MAP4: variants seen among roughly 807,000 people sequenced by gnomAD.
MAP4 encodes the protein microtubule-associated protein 4.
MAP4 carries 76 observed loss-of-function variants against 170.2 expected under a neutral mutation model. That is an observed-to-expected ratio of 0.45 (90% CI 0.37 to 0.54). The LOEUF is 0.54. Among genes scored for constraint, MAP4 ranks in the 20% least tolerant of loss-of-function variants. The pLI is 0.00. For synonymous variants in MAP4, 909 were observed against 994.5 expected (o/e 0.91, Z 1.62); for missense variants, 2,506 against 2,748.0 (o/e 0.91, Z 1.97).
chr3:48,072,134 A>T (rs11924107), intron 1 of MAP4, among the ~76,000 whole-genome samples: 1 of 151,584 alleles, frequency 6.6e-6, no homozygotes, highest in Non-Finnish European at 1.5e-5. Flanking sequence ...AGGAGGCGGA[A>T]GTTGCAGTGA....
intron 1 of MAP4, among the ~76,000 whole-genome samples, chr3:48,063,841 G>C (rs1191922465): frequency 1.3e-5 from 2 of 152,194 alleles, no homozygotes; most frequent in African/African-American, 4.8e-5. Flanking sequence ...AGTAGTTAAG[G>C]GGAAGAAGTA....
Position 47,871,029 on chromosome 3 carries a change from A to C in MAP4, c.6078T>G (p.Ala2026=). The C allele has an allele frequency of 3.1e-6, 5 of 1,614,116 alleles. No individual in the cohort carries two copies. Among genetic ancestry groups the C allele is most frequent in the Non-Finnish European group, 4.2e-6 (5 of 1,179,960 alleles). ...TGACTCGGCTGGGAACCACCCCTGC[A>C]GCGGGGGCTGTCCCACTGAGAGTGG... ...KTTTLSGTAP[A]AGVVPSRVKA... Residue 2026 remains alanine, a synonymous_variant, in exon 15 of 21, where the codon GCT becomes GCG. Transcript: ENST00000683076.
At chr3:47,902,617 T>C (rs538239248) in intron 10 of MAP4, among the ~76,000 whole-genome samples, 2 of 132,750 alleles carry the variant, frequency 1.5e-5, no homozygotes, top group African/African-American at 2.9e-5. Context: ...GAGGTTGCAG[T>C]GAGCCGAGAT....
At chr3:47,931,798 T>A in intron 3 of MAP4, 1 of 151,990 alleles carries the variant, frequency 6.6e-6, no homozygotes, top group East Asian at 1.9e-4. Flanking sequence ...CCTGGCTCCA[T>A]CTGTATTTTT....
intron 3 of MAP4, among the ~76,000 whole-genome samples, chr3:47,934,246 C>T (rs543344574): frequency 3.1e-4 from 47 of 152,200 alleles, no homozygotes; most frequent in African/African-American, 1.1e-3. Context: ...GGGTTTTGAA[C>T]CCTACTTTTC....
chr3:48,062,867 G>C (rs1315884712), intron 1 of MAP4, among the ~76,000 whole-genome samples: 1 of 151,158 alleles, frequency 6.6e-6, no homozygotes, highest in Non-Finnish European at 1.5e-5. Context: ...GGAGGTTGTT[G>C]TGAGCCAAGA....
rs970352201 is a variant in MAP4 at position 47,910,829 on chromosome 3, C to G, written c.3592G>C (p.Asp1198His). The change falls in exon 9 of 21, where the codon GAT (aspartate) becomes CAT (histidine). Residue 1198 changes from aspartate to histidine, a missense_variant. This residue lies in a region of MAP4 where 2,008 missense variants were observed against 2,206.0 expected (regional missense o/e 0.91). Transcript: ENST00000683076. ...QSKEGRCPWK[D>H]HEAAPWISEK... is the part of the protein sequence containing the mutation. Reference sequence around the variant, plus strand: ...GAAATCCAGGGAGCTGCCTCATGATCCTTCCATGGACACCTTCCTTCCTTG... The same window carrying G: ...GAAATCCAGGGAGCTGCCTCATGATGCTTCCATGGACACCTTCCTTCCTTG... The G allele has an allele frequency of 5.2e-6, 8 of 1,536,126 alleles. No individual in the cohort carries two copies. The highest frequency in any genetic ancestry group is 4.9e-5 in the East Asian group (2 of 40,918).
At chr3:47,936,545 A>G (rs575497026) in intron 3 of MAP4, among the ~76,000 whole-genome samples, 1 of 152,288 alleles carries the variant, frequency 6.6e-6, no homozygotes, top group Admixed American at 6.5e-5. Context: ...CACGCAACAA[A>G]ATATACAAAT....
chr3:47,964,399 A>G (rs562303589), intron 3 of MAP4, among the ~76,000 whole-genome samples: 1 of 152,244 alleles, frequency 6.6e-6, no homozygotes, highest in South Asian at 2.1e-4. Context: ...GTGTGAGAGG[A>G]GCAGAAGAGG....
At chr3:48,028,158 A>G (rs1530646) in intron 1 of MAP4, among the ~76,000 whole-genome samples, 94,670 of 151,938 alleles carry the variant, frequency 0.62, 30,306 homozygotes, top group East Asian at 0.73. Flanking sequence ...CAGGTGTGGT[A>G]GCACACGCCT....
Position 47,871,216 on chromosome 3 carries a change from T to C in MAP4, c.6001+11A>G, listed in dbSNP as rs763284138. The C allele has an allele frequency of 1.0e-4, 165 of 1,614,058 alleles. No homozygotes were observed. The highest frequency in any genetic ancestry group is 1.4e-4 in the Non-Finnish European group (160 of 1,180,008). On this transcript the variant is annotated intron_variant, in intron 14 of 20. Transcript: ENST00000683076. ...AGTTAGGGCTCTACAAAATGGCGGA[T>C]GGGCTATTACCTGGTACAGACTTTG...
intron 3 of MAP4, among the ~76,000 whole-genome samples, chr3:47,956,219 T>C (rs191937890): frequency 1.3e-5 from 2 of 152,116 alleles, no homozygotes; most frequent in Admixed American, 6.5e-5. Context: ...GTAAGTTACA[T>C]AGGAGGTAGC....
chr3:47,926,329 G>T (rs1158920869), intron 4 of MAP4, among the ~76,000 whole-genome samples: 1 of 151,310 alleles, frequency 6.6e-6, no homozygotes, highest in African/African-American at 2.4e-5. Context: ...CATTACAGGC[G>T]CCCGCCACCA....
At chr3:47,905,543 A>C (rs1008623195) in intron 9 of MAP4, among the ~76,000 whole-genome samples, 1 of 150,426 alleles carries the variant, frequency 6.6e-6, no homozygotes, top group African/African-American at 2.4e-5. Context: ...CAACAACAAC[A>C]ACAAAAAAAA....
At chr3:47,974,231 G>T in intron 3 of MAP4, 1 of 497,284 alleles carries the variant, frequency 2.0e-6, no homozygotes, top group Non-Finnish European at 2.6e-6. Context: ...TTCGAGACCA[G>T]CCTGGCCAAC....
At chr3:48,079,190 T>C (rs1223195819) in intron 1 of MAP4, among the ~76,000 whole-genome samples, 1 of 151,982 alleles carries the variant, frequency 6.6e-6, no homozygotes, top group African/African-American at 2.4e-5. Context: ...ATCCGAAATC[T>C]GAAATGCTCC....
Position 48,035,314 on chromosome 3 carries a change from A to G in MAP4, c.-19-36435T>C, listed in dbSNP as rs923473063. 4.0e-5 allele frequency among the ~76,000 whole-genome samples: 6 copies of G among 151,666 alleles called. No homozygotes were observed. The East Asian group carries it at 1.2e-3, about 29-fold the overall frequency. On this transcript the variant is annotated intron_variant, in intron 1 of 18. Transcript: ENST00000360240. ...AATTGAAGAAGAAAAAGGAAAAAAA[A>G]AAAAGAAACTCCAACCCATATAAAA...
Position 47,853,315 on chromosome 3 carries a change from C to T in MAP4, c.6734G>A (p.Gly2245Asp). Residue 2245 changes from glycine (G) to aspartate (D), a missense_variant, in exon 20 of 21, where the codon GGT (glycine) becomes GAT (aspartate). Coordinates refer to ENST00000683076, the MANE Select transcript of MAP4 (RefSeq NM_001385682.1). ...GGCCGGCTCCTCCCCAGCAGGGGGACCCGGACACAGAGGAGCCTCGCTGCC... is the reference window on the plus strand; with the variant it reads ...GGCCGGCTCCTCCCCAGCAGGGGGATCCGGACACAGAGGAGCCTCGCTGCC... ...GGGSEAPLCP[G>D]PPAGEEPAIS... 1.9e-6 allele frequency: 3 copies of T among 1,611,066 alleles called. No individual in the cohort carries two copies. The highest frequency in any genetic ancestry group is 1.3e-5 in the African/African-American group (1 of 75,010).
chr3:47,869,138 A>G, intron 16 of MAP4, 76 bp downstream of exon 16: 3 of 1,106,914 alleles, frequency 2.7e-6, no homozygotes, highest in Non-Finnish European at 4.2e-6. Flanking sequence ...AAAGTGCAAG[A>G]GAGGGCATGT....
Sources: allele counts gnomAD v4.1 joint callset (sites outside exome capture counted in the v4.1 genomes callset), GRCh38; gene constraint gnomAD v4.1.1; regional missense constraint gnomAD v4.1.1; transcripts MANE v1.5; gene names NCBI Gene and HGNC (gene_info 2026-07-23, HGNC 2026-07-21).